PDPR: variants seen among roughly 807,000 people sequenced by gnomAD.
PDPR encodes pyruvate dehydrogenase phosphatase regulatory subunit, mitochondrial.
PDPR carries 50 observed loss-of-function variants against 102.2 expected under a neutral mutation model. That is an observed-to-expected ratio of 0.49 (90% CI 0.39 to 0.62). PDPR has a LOEUF of 0.62. PDPR is among the 20% of genes least tolerant of loss of function. The probability of loss-of-function intolerance (pLI) is 0.00; values close to 1 mark genes in which losing one functional copy is unlikely to be tolerated. For synonymous variants in PDPR, 259 were observed against 406.0 expected (o/e 0.64, Z 4.35); for missense variants, 625 against 1,098.2 (o/e 0.57, Z 6.09).
intron 9 of PDPR, among the ~76,000 whole-genome samples, chr16:70,134,746 A>G (rs1404166200): frequency 1.3e-4 from 20 of 150,776 alleles, no homozygotes; most frequent in African/African-American, 4.9e-4. Flanking sequence ...AGATCGCACC[A>G]CTGCACTCCA....
intron 1 of PDPR, among the ~76,000 whole-genome samples, 152 bp downstream of exon 1, chr16:70,114,592 C>T (rs1345831663): frequency 6.6e-6 from 1 of 152,104 alleles, no homozygotes; most frequent in Non-Finnish European, 1.5e-5. Context: ...TGGCCTCTCG[C>T]GAAGTCGCGT....
chr16:70,140,615 T>C (rs1597351527), intron 11 of PDPR, among the ~76,000 whole-genome samples: 1 of 152,010 alleles, frequency 6.6e-6, no homozygotes, highest in Non-Finnish European at 1.5e-5. Context: ...GGTCAGGAGG[T>C]CTGGCCTGAC....
At chr16:70,154,397 A>T (rs1462781324) in intron 18 of PDPR, among the ~76,000 whole-genome samples, 1 of 152,274 alleles carries the variant, frequency 6.6e-6, no homozygotes, top group African/African-American at 2.4e-5. Flanking sequence ...TAATCCTAGC[A>T]CTTTGGGAGG....
At chr16:70,125,624 G>A (rs1310022881) in intron 3 of PDPR, among the ~76,000 whole-genome samples, 1 of 149,428 alleles carries the variant, frequency 6.7e-6, no homozygotes, top group African/African-American at 2.5e-5. Flanking sequence ...ACTCCCCAAT[G>A]TTCTTTCCTT....
At chr16:70,123,859 C>T (rs1424503519) in intron 3 of PDPR, among the ~76,000 whole-genome samples, 2 of 152,240 alleles carry the variant, frequency 1.3e-5, no homozygotes, top group Non-Finnish European at 2.9e-5. Flanking sequence ...TCGAGACCAG[C>T]TTGGCCAACA....
chr16:70,153,677 T>C, intron 18 of PDPR, 104 bp downstream of exon 18: 1 of 1,256,638 alleles, frequency 8.0e-7, no homozygotes, highest in Non-Finnish European at 1.1e-6. Context: ...GGGAAAAGAT[T>C]GAGGCCTTGA....
At chr16:70,146,917 ATATTTATT>A (rs1175297679) in intron 16 of PDPR, among the ~76,000 whole-genome samples, 4 of 51,784 alleles carry the variant, frequency 7.7e-5, no homozygotes, top group East Asian at 6.2e-4. Context: ...GTGACTAAGT[ATATTTATT>A]TATTTATTTA....
chr16:70,152,875 G>A (rs1443840854), intron 17 of PDPR, among the ~76,000 whole-genome samples: 2 of 152,410 alleles, frequency 1.3e-5, no homozygotes, highest in South Asian at 4.1e-4. Context: ...GAGCAGGCGA[G>A]CCCTGCCTTC....
intron 18 of PDPR, 63 bp from the exon 19 acceptor site, chr16:70,156,412 G>A: frequency 6.3e-7 from 1 of 1,583,132 alleles, no homozygotes; most frequent in Non-Finnish European, 8.6e-7. Flanking sequence ...TTCCCACGGT[G>A]CTGCTCTCTG....
At chr16:70,113,907 C>T (rs1012501365), upstream of PDPR, 2 of 150,816 alleles carry the variant, frequency 1.3e-5, no homozygotes, top group African/African-American at 4.9e-5. Flanking sequence ...GAAGCGTTTT[C>T]CCCCGGGACT....
At position 70,142,571 on chromosome 16, in the gene PDPR, A is replaced by C; in HGVS notation, c.1490A>C (p.Gln497Pro). The stretch of plus-strand genomic sequence containing the variant: ...TCCGTAGACCTCCTGGCATTGGAGC[A>C]GAGCAAGACTTTCTATAAGCCAGAT... ...PPDKDLLALEQSKTFYKPDWF... is the reference protein window; with the variant it reads ...PPDKDLLALEPSKTFYKPDWF... Residue 497 changes from glutamine (Q) to proline (P), a missense_variant, in exon 13 of 19, where the codon CAG becomes CCG. By Grantham distance (76) the Gln-to-Pro change is moderately conservative. This residue lies in a region of PDPR where 34 missense variants were observed against 76.6 expected (regional missense o/e 0.44). Coordinates refer to ENST00000288050, the MANE Select transcript of PDPR (RefSeq NM_017990.5). The C allele has an allele frequency of 6.2e-7, 1 of 1,614,014 alleles. No individual in the cohort carries two copies. Among genetic ancestry groups the C allele is most frequent in the Non-Finnish European group, 8.5e-7 (1 of 1,179,854 alleles).
At chr16:70,149,024 A>G (rs1966482997) in intron 17 of PDPR, among the ~76,000 whole-genome samples, 1 of 151,728 alleles carries the variant, frequency 6.6e-6, no homozygotes, top group Non-Finnish European at 1.5e-5. Context: ...CCTCCCGAGT[A>G]GCTGGGACTG....
intron 3 of PDPR, among the ~76,000 whole-genome samples, chr16:70,126,446 C>T (rs1420485090): frequency 1.3e-5 from 2 of 152,274 alleles, no homozygotes; most frequent in Non-Finnish European, 2.9e-5. Flanking sequence ...TCACTGCAAG[C>T]TCCACCTCCC....
chr16:70,155,791 T>C (rs961116535), intron 18 of PDPR, among the ~76,000 whole-genome samples: 1 of 150,646 alleles, frequency 6.6e-6, no homozygotes, highest in Admixed American at 6.7e-5. Flanking sequence ...GTTGGGATTA[T>C]ATAAAAAAGT....
chr16:70,126,813 A>G (rs1682225385), intron 3 of PDPR, among the ~76,000 whole-genome samples: 1 of 152,280 alleles, frequency 6.6e-6, no homozygotes, highest in Admixed American at 6.5e-5. Context: ...GGCATGAGCC[A>G]CTGTGCCTGG....
At chr16:70,122,096 C>T (rs1963367116) in intron 3 of PDPR, among the ~76,000 whole-genome samples, 1 of 152,260 alleles carries the variant, frequency 6.6e-6, no homozygotes, top group African/African-American at 2.4e-5. Context: ...AAGCAATTCT[C>T]CTGCCTCAGC....
intron 16 of PDPR, among the ~76,000 whole-genome samples, chr16:70,148,181 T>C (rs1966392734): frequency 6.6e-6 from 1 of 152,234 alleles, no homozygotes; most frequent in African/African-American, 2.4e-5. Context: ...CAAAGAGGAA[T>C]ATTTTGTGCT....
chr16:70,142,967 G>A (rs1167211426), intron 13 of PDPR, among the ~76,000 whole-genome samples: 3 of 152,362 alleles, frequency 2.0e-5, no homozygotes, highest in Middle Eastern at 3.4e-3. Flanking sequence ...AGGCCGAGAC[G>A]GGTGGATCAC....
intron 11 of PDPR, among the ~76,000 whole-genome samples, chr16:70,141,114 C>T (rs1294297839): frequency 3.9e-5 from 6 of 152,244 alleles, no homozygotes; most frequent in South Asian, 2.1e-4. Context: ...AGTGCCGTGG[C>T]GTGATTTCGG....
Sources: gnomAD v4.1 joint callset for allele counts (sites outside exome capture counted in the v4.1 genomes callset) on GRCh38, gnomAD v4.1.1 for gene constraint, gnomAD v4.1.1 regional missense constraint, MANE v1.5 for transcripts, NCBI Gene and HGNC (gene_info 2026-07-23, HGNC 2026-07-21) for gene names.